The following CNTN4 variants were observed in gnomAD, a reference collection of about 807,000 sequenced individuals.
The protein encoded by CNTN4 is contactin 4.
In CNTN4, 77 loss-of-function variants were observed where a neutral mutation model predicts 122.5. That is an observed-to-expected ratio of 0.63 (90% confidence interval 0.52 to 0.76). CNTN4 has a LOEUF of 0.76. Among genes scored for constraint, CNTN4 ranks in the 30% least tolerant of loss-of-function variants. The pLI is 0.00. For synonymous variants in CNTN4, 512 were observed against 447.0 expected (o/e 1.15, Z -1.83); for missense variants, 1,256 against 1,259.1 (o/e 1.00, Z 0.04).
chr3:2,821,575 G>A (rs1576932942), intron 7 of CNTN4, among the ~76,000 whole-genome samples: 1 of 152,256 alleles, frequency 6.6e-6, no homozygotes. Flanking sequence ...ACGCAGATGT[G>A]TTATGCCCTG....
intron 2 of CNTN4, among the ~76,000 whole-genome samples, chr3:2,109,884 G>T (rs1224995587): frequency 6.6e-6 from 1 of 152,136 alleles, no homozygotes; most frequent in African/African-American, 2.4e-5. Context: ...ATTTAATTGG[G>T]TGAATGACAG....
intron 2 of CNTN4, among the ~76,000 whole-genome samples, chr3:2,277,979 A>G (rs1166692622): frequency 6.6e-6 from 1 of 152,198 alleles, no homozygotes; most frequent in Non-Finnish European, 1.5e-5. Context: ...AGTAGAGACT[A>G]AATTTGAGGA....
chr3:3,025,956 A>G (rs1698685097), intron 14 of CNTN4, 146 bp from the exon 15 acceptor site: 2 of 756,132 alleles, frequency 2.6e-6, no homozygotes, highest in African/African-American at 1.7e-5. Context: ...AGCTTCCCAG[A>G]TGACTGAGGT....
intron 4 of CNTN4, among the ~76,000 whole-genome samples, chr3:2,680,191 TAATAGATACATG>T (rs941882941): frequency 1.3e-5 from 2 of 152,176 alleles, no homozygotes; most frequent in African/African-American, 4.8e-5. Context: ...ATATGTGGTG[TAATAGATACATG>T]AACCCATCTC....
In CNTN4 at chr3:2,191,815, G is replaced by A. The variant is rs1014445895; in HGVS notation, c.-145+91176G>A. Among the ~76,000 whole-genome samples the A allele has an allele frequency of 1.8e-4, 28 of 151,750 alleles. 1 individual carries two copies. Among genetic ancestry groups the A allele is most frequent in the Non-Finnish European group, 7.4e-5 (5 of 68,002 alleles). On this transcript the variant is annotated intron_variant, in intron 2 of 24. Transcript: ENST00000418658. ...TACATATGTATGCATGTGCCATGTT[G>A]GTGTGCTGCACCCATTAACTTGTCA...
At chr3:2,888,971 C>T (rs896284330) in intron 10 of CNTN4, among the ~76,000 whole-genome samples, 19 of 151,662 alleles carry the variant, frequency 1.3e-4, no homozygotes, top group African/African-American at 4.1e-4. Flanking sequence ...GAATGGCCAC[C>T]AGGCAGACTA....
At position 2,179,670 on chromosome 3, in the gene CNTN4, A is replaced by G. The variant is rs190582111; in HGVS notation, c.-145+79031A>G. On this transcript the variant is annotated intron_variant, in intron 2 of 24. Transcript: ENST00000418658. Reference sequence around the variant, plus strand: ...CTTATTTACACTCAGTGTTTTTTTTAATTTCCAGGGACTGTGTTTAGTGAG... The same window carrying G: ...CTTATTTACACTCAGTGTTTTTTTTGATTTCCAGGGACTGTGTTTAGTGAG... 6.2e-3 allele frequency among the ~76,000 whole-genome samples: 947 copies of G among 151,806 alleles called. 8 individuals are homozygous for G. Among genetic ancestry groups the G allele is most frequent in the African/African-American group, 0.021 (873 of 41,452 alleles).
intron 3 of CNTN4, among the ~76,000 whole-genome samples, chr3:2,466,869 G>A (rs182181599): frequency 1.3e-5 from 2 of 151,732 alleles, no homozygotes; most frequent in East Asian, 3.9e-4. Flanking sequence ...TTTAATCATT[G>A]TAGAAAGTAG....
At chr3:2,368,504 A>G (rs912481241) in intron 3 of CNTN4, among the ~76,000 whole-genome samples, 2 of 152,120 alleles carry the variant, frequency 1.3e-5, no homozygotes, top group Non-Finnish European at 2.9e-5. Context: ...TTCTCTTGCT[A>G]TTTATTTTGA....
chr3:2,291,490 G>T (rs926029356), intron 2 of CNTN4, among the ~76,000 whole-genome samples: 2 of 151,984 alleles, frequency 1.3e-5, no homozygotes, highest in African/African-American at 2.4e-5. Flanking sequence ...TATGTTAAAA[G>T]AACTCAAAAT....
rs992990764 is a variant in CNTN4, at chr3:2,469,108, C to G, written c.-88-102308C>G. Among the ~76,000 whole-genome samples the G allele has an allele frequency of 3.9e-5, 6 of 152,182 alleles. No individual in the cohort carries two copies. The South Asian group carries it at 6.2e-4, about 16-fold the overall frequency. ...AGAAAAAGGAGAAACTGGTAGTTAG[C>G]TAACCACTATCTCTCTTTACTGTGA... On this transcript the variant is annotated intron_variant, in intron 3 of 24. Coordinates refer to ENST00000418658, the MANE Select transcript of CNTN4 (RefSeq NM_175607.3).
intron 4 of CNTN4, among the ~76,000 whole-genome samples, chr3:2,592,966 A>C (rs1262742322): frequency 2.0e-5 from 3 of 152,184 alleles, no homozygotes; most frequent in African/African-American, 7.2e-5. Flanking sequence ...GTGAAGAGAA[A>C]AGCAGTGTCA....
chr3:2,876,106 G>T (rs2093841506), intron 8 of CNTN4, among the ~76,000 whole-genome samples: 2 of 152,280 alleles, frequency 1.3e-5, no homozygotes, highest in African/African-American at 4.8e-5. Flanking sequence ...ACAGGTTTCT[G>T]AGGACACCTT....
intron 2 of CNTN4, among the ~76,000 whole-genome samples, chr3:2,123,932 C>A (rs2033963654): frequency 6.6e-6 from 1 of 152,004 alleles, no homozygotes; most frequent in South Asian, 2.1e-4. Flanking sequence ...TTGATTAGGC[C>A]CTGGTGAATT....
Position 2,924,576 on chromosome 3 carries a change from T to A in CNTN4, c.1208-1053T>A, listed in dbSNP as rs367917358. ...GGAAAAATGTCTTTTATTTTACTTT[T>A]GTGCGAATACAAATATGTATCTTTT... On this transcript the variant is annotated intron_variant, in intron 12 of 24. Coordinates refer to ENST00000418658, the MANE Select transcript of CNTN4 (RefSeq NM_175607.3). Among the ~76,000 whole-genome samples the A allele has an allele frequency of 5.9e-5, 9 of 152,306 alleles. 1 individual carries two copies. The highest frequency in any genetic ancestry group is 3.9e-4 in the East Asian group (2 of 5,188).
intron 4 of CNTN4, among the ~76,000 whole-genome samples, chr3:2,627,362 C>T (rs1477472114): frequency 6.6e-6 from 1 of 152,150 alleles, no homozygotes; most frequent in African/African-American, 2.4e-5. Context: ...CATCTGATTT[C>T]ATGAAGCTGC....
At chr3:2,194,746 G>A (rs2037755888) in intron 2 of CNTN4, among the ~76,000 whole-genome samples, 1 of 152,138 alleles carries the variant, frequency 6.6e-6, no homozygotes, top group South Asian at 2.1e-4. Context: ...AACAGAGGCA[G>A]ATATTGGAGT....
At chr3:2,478,728 C>G (rs949822553) in intron 3 of CNTN4, among the ~76,000 whole-genome samples, 1 of 152,128 alleles carries the variant, frequency 6.6e-6, no homozygotes, top group Non-Finnish European at 1.5e-5. Context: ...ATAATGGTCT[C>G]CAGCTCCATC....
intron 9 of CNTN4, among the ~76,000 whole-genome samples, chr3:2,886,745 C>T (rs189442687): frequency 9.2e-5 from 14 of 152,130 alleles, no homozygotes; most frequent in African/African-American, 3.1e-4. Flanking sequence ...AACTCCTGAC[C>T]TCAAGTGATC....
Sources: allele counts gnomAD v4.1 joint callset (sites outside exome capture counted in the v4.1 genomes callset), GRCh38; gene constraint gnomAD v4.1.1; transcripts MANE v1.5; gene names NCBI Gene and HGNC (gene_info 2026-07-23, HGNC 2026-07-21).